The following RASA1 variants were observed in gnomAD, a reference collection of about 807,000 sequenced individuals.
RASA1 encodes the protein RAS p21 protein activator 1.
Under a neutral mutation model 132.2 loss-of-function variants are expected in RASA1, and 25 were observed. The ratio of observed to expected loss-of-function variants is 0.19; its 90% CI spans 0.14 to 0.26. The LOEUF (loss-of-function observed/expected upper bound fraction) is 0.26. Among genes scored for constraint, RASA1 ranks in the 10% least tolerant of loss-of-function variants. The pLI is 1.00. For synonymous variants in RASA1, 477 were observed against 449.9 expected, an observed-to-expected ratio of 1.06 and a Z score of -0.76; for missense variants, 964 against 1,299.2, an observed-to-expected ratio of 0.74 and a Z score of 3.97.
rs60835976 is a variant in RASA1, at chr5:87,363,330, A to ATT, written c.1454-8_1454-7dup. 5.1e-6 allele frequency: 7 copies of ATT among 1,378,082 alleles called. No individual in the cohort carries two copies. Among genetic ancestry groups the ATT allele is most frequent in the Non-Finnish European group, 7.0e-6 (7 of 998,466 alleles). 85.4% of individuals were successfully genotyped at this position (1,378,082 alleles called of 1,614,324 possible). A position where few individuals can be genotyped will look rare whatever the true frequency, so the allele number is the denominator to read the frequency against. On this transcript the variant is annotated splice_polypyrimidine_tract_variant and intron_variant, in intron 10 of 24. Transcript: ENST00000274376. The stretch of plus-strand genomic sequence containing the variant: ...ACAATTGTTTGGCTAAGAGAAAACA[A>ATT]TTTTTTTTTTTAAACAGGCAAAGGA...
At chr5:87,294,502 T>G (rs978636987) in intron 1 of RASA1, 2 of 152,246 alleles carry the variant, frequency 1.3e-5, no homozygotes, top group African/African-American at 2.4e-5. Flanking sequence ...TTTTTTATCT[T>G]TCTTACATGT....
At chr5:87,283,137 T>G (rs991798763) in intron 1 of RASA1, among the ~76,000 whole-genome samples, 3 of 147,674 alleles carry the variant, frequency 2.0e-5, no homozygotes, top group African/African-American at 4.9e-5. Context: ...TAAGTTTTGT[T>G]TTTTTTTTGT....
chr5:87,381,083 A>C (rs1761681020), intron 20 of RASA1, among the ~76,000 whole-genome samples: 3 of 152,118 alleles, frequency 2.0e-5, no homozygotes, highest in South Asian at 2.1e-4. Flanking sequence ...CAAATCATGG[A>C]ATTTGGGAGC....
chr5:87,354,035 G>A (rs1442480094), intron 9 of RASA1, among the ~76,000 whole-genome samples: 2 of 152,028 alleles, frequency 1.3e-5, no homozygotes, highest in African/African-American at 4.8e-5. Flanking sequence ...GTACCCAGCT[G>A]CAATTGTACA....
At chr5:87,310,070 A>G (rs1430342791) in intron 1 of RASA1, among the ~76,000 whole-genome samples, 1 of 152,112 alleles carries the variant, frequency 6.6e-6, no homozygotes, top group Non-Finnish European at 1.5e-5. Flanking sequence ...TGACTACAGG[A>G]AAGACTTCTG....
intron 5 of RASA1, among the ~76,000 whole-genome samples, chr5:87,338,536 A>ATATATATATTTTTTT: frequency 8.2e-5 from 7 of 85,220 alleles, no homozygotes; most frequent in African/African-American, 8.8e-5. Flanking sequence ...TATATATAAA[A>ATATATATATTTTTTT]TTTTTTTTTT....
intron 1 of RASA1, among the ~76,000 whole-genome samples, chr5:87,283,148 G>GTT (rs200461511): frequency 1.5e-3 from 155 of 103,216 alleles, no homozygotes; most frequent in East Asian, 6.3e-3. Context: ...TTTTTTTTGT[G>GTT]TTTTTTTTTT....
intron 1 of RASA1, among the ~76,000 whole-genome samples, chr5:87,274,214 T>C (rs555897442): frequency 5.1e-4 from 78 of 152,314 alleles, no homozygotes; most frequent in African/African-American, 1.8e-3. Flanking sequence ...CTGGCCTGGA[T>C]CTTATGCTGA....
At chr5:87,370,592 T>C (rs1760857697) in intron 12 of RASA1, among the ~76,000 whole-genome samples, 1 of 151,994 alleles carries the variant, frequency 6.6e-6, no homozygotes, top group Non-Finnish European at 1.5e-5. Flanking sequence ...AGCACAGGAG[T>C]TTGAGTTACA....
At chr5:87,332,062 T>A (rs571827168) in intron 2 of RASA1, among the ~76,000 whole-genome samples, 6 of 152,126 alleles carry the variant, frequency 3.9e-5, no homozygotes, top group African/African-American at 1.4e-4. Flanking sequence ...GTACCCTTGG[T>A]TTTTAGATTT....
In RASA1 at chr5:87,369,815, C is replaced by G; in HGVS notation, c.1613C>G (p.Pro538Arg). Residue 538 changes from proline to arginine, a missense_variant and splice_region_variant, in exon 12 of 25, where the codon CCA becomes CGA. Pro to Arg is a moderately radical substitution (Grantham distance 103, BLOSUM62 -2). Transcript: ENST00000274376. ...YVVHDSLFGR[P>R]NCFQIVVQHF... ...TAATTTTTGTTTTTATTTTAAAGGCCAAACTGTTTTCAGATAGTAGTTCAG... is the reference window on the plus strand; with the variant it reads ...TAATTTTTGTTTTTATTTTAAAGGCGAAACTGTTTTCAGATAGTAGTTCAG... The G allele has an allele frequency of 6.2e-7, 1 of 1,609,302 alleles. No homozygotes were observed. Among genetic ancestry groups the G allele is most frequent in the Non-Finnish European group, 8.5e-7 (1 of 1,177,142 alleles).
At chr5:87,350,650 T>G (rs1313142741) in intron 8 of RASA1, among the ~76,000 whole-genome samples, 1 of 151,290 alleles carries the variant, frequency 6.6e-6, no homozygotes, top group Admixed American at 6.6e-5. Flanking sequence ...TGATGGAACA[T>G]GAAAAAAGAA....
chr5:87,278,585 C>G (rs1485433859), intron 1 of RASA1, among the ~76,000 whole-genome samples: 2 of 151,914 alleles, frequency 1.3e-5, no homozygotes, highest in Non-Finnish European at 2.9e-5. Context: ...TAGAGATGTA[C>G]TTGTTCATCC....
At chr5:87,286,976 T>C (rs892560989) in intron 1 of RASA1, among the ~76,000 whole-genome samples, 1 of 148,520 alleles carries the variant, frequency 6.7e-6, no homozygotes, top group Non-Finnish European at 1.5e-5. Context: ...ACACCATATA[T>C]ATACCATATA....
Position 87,338,534 on chromosome 5 carries a change from A to ATAT in RASA1, c.1017+443_1017+444insTAT, listed in dbSNP as rs1561292504. Among the ~76,000 whole-genome samples the ATAT allele has an allele frequency of 8.0e-4, 37 of 46,106 alleles. 1 individual carries two copies. Among genetic ancestry groups the ATAT allele is most frequent in the Non-Finnish European group, 1.4e-3 (30 of 21,406 alleles). The allele number at this position is 46,106 out of a possible 152,430, so 30.2% of individuals were successfully genotyped here. A position where few individuals can be genotyped will look rare whatever the true frequency, so the allele number is the denominator to read the frequency against. On this transcript the variant is annotated intron_variant, in intron 5 of 24. Coordinates refer to ENST00000274376, the MANE Select transcript of RASA1 (RefSeq NM_002890.3). Reference sequence around the variant, plus strand: ...ATATATATATATATATATATATATAAAATTTTTTTTTTTTTTAAGTAGAAA... The same window carrying ATAT: ...ATATATATATATATATATATATATAATATAATTTTTTTTTTTTTTAAGTAGAAA...
chr5:87,348,586 A>G (rs1580324149), intron 7 of RASA1, among the ~76,000 whole-genome samples: 1 of 152,080 alleles, frequency 6.6e-6, no homozygotes, highest in East Asian at 1.9e-4. Context: ...GTTGTTTTGA[A>G]TCTACCTTTA....
At chr5:87,386,095 A>AT (rs1762045117) in intron 22 of RASA1, among the ~76,000 whole-genome samples, 2 of 152,032 alleles carry the variant, frequency 1.3e-5, no homozygotes, top group African/African-American at 4.8e-5. Context: ...GCCAGAACTC[A>AT]TTGGGTACTA....
chr5:87,304,710 C>T (rs1755529557), intron 1 of RASA1, among the ~76,000 whole-genome samples: 1 of 152,106 alleles, frequency 6.6e-6, no homozygotes, highest in African/African-American at 2.4e-5. Context: ...TCAAGTGATC[C>T]ACCCGCATCT....
intron 1 of RASA1, among the ~76,000 whole-genome samples, chr5:87,330,767 T>G (rs1400505594): frequency 6.6e-6 from 1 of 152,170 alleles, no homozygotes; most frequent in Admixed American, 6.6e-5. Flanking sequence ...GAAAGTTGAG[T>G]GCAAATGTAA....
Sources: gnomAD v4.1 joint callset for allele counts (sites outside exome capture counted in the v4.1 genomes callset) on GRCh38, gnomAD v4.1.1 for gene constraint, MANE v1.5 for transcripts, NCBI Gene and HGNC (gene_info 2026-07-23, HGNC 2026-07-21) for gene names.